ZNF33B: variants seen among roughly 807,000 people sequenced by gnomAD.
ZNF33B encodes the protein zinc finger protein 33B.
A neutral mutation model predicts 45.8 loss-of-function variants in ZNF33B; 29 were observed. The ratio of observed to expected loss-of-function variants is 0.63; its 90% CI spans 0.47 to 0.86. The LOEUF is 0.86. ZNF33B is among the 40% of genes least tolerant of loss of function. ZNF33B has a pLI of 0.00. For missense variants in ZNF33B, 831 were observed against 909.9 expected, an observed-to-expected ratio of 0.91 and a Z score of 1.12; for synonymous variants, 305 against 307.8, an observed-to-expected ratio of 0.99 and a Z score of 0.10.
chr10:42,628,145 A>T (rs1336601292), intron 4 of ZNF33B, among the ~76,000 whole-genome samples: 1 of 152,124 alleles, frequency 6.6e-6, no homozygotes, highest in Non-Finnish European at 1.5e-5. Context: ...TTTCCTAAGT[A>T]GGTGGGACTA....
downstream of ZNF33B, among the ~76,000 whole-genome samples, chr10:42,587,589 A>G (rs548616534): frequency 7.9e-5 from 12 of 152,302 alleles, no homozygotes; most frequent in African/African-American, 2.4e-4. Context: ...CACTCAAAGC[A>G]CAGTGGATGT....
At chr10:42,618,693 G>A (rs1284169820) in intron 4 of ZNF33B, among the ~76,000 whole-genome samples, 1 of 152,142 alleles carries the variant, frequency 6.6e-6, no homozygotes, top group African/African-American at 2.4e-5. Flanking sequence ...CCTCCTATGA[G>A]TTTGCTGAGC....
downstream of ZNF33B, among the ~76,000 whole-genome samples, chr10:42,584,891 T>C (rs17157525): frequency 6.4e-3 from 982 of 152,282 alleles, 11 homozygotes; most frequent in African/African-American, 0.022. Context: ...CAGTTAGGAT[T>C]AGGACAGGAG....
intron 4 of ZNF33B, among the ~76,000 whole-genome samples, chr10:42,600,744 T>C (rs573382593): frequency 1.3e-5 from 2 of 152,370 alleles, no homozygotes; most frequent in South Asian, 2.1e-4. Context: ...CAATAGTATA[T>C]ACTTTACTTC....
intron 1 of ZNF33B, chr10:42,578,361 C>G (rs139781591): frequency 6.5e-6 from 1 of 152,738 alleles, no homozygotes; most frequent in Non-Finnish European, 1.5e-5. Context: ...TGGCATACAC[C>G]CTACTCCTCC....
Position 42,591,914 on chromosome 10 carries a change from T to C in ZNF33B, c.*699A>G, listed in dbSNP as rs1837141611. 1 of 152,228 alleles carries C rather than the reference T, an allele frequency of 6.6e-6. No individual in the cohort carries two copies. Among genetic ancestry groups the C allele is most frequent in the Non-Finnish European group, 1.5e-5 (1 of 68,072 alleles). 9.4% of individuals were successfully genotyped at this position (152,228 alleles called of 1,614,324 possible). ...GTTGATGGTTACTCAAATGTAAAAG[T>C]ACCAGTTTGTTATAACCACACACAC... On this transcript the variant is annotated 3_prime_UTR_variant, in exon 5 of 5. Coordinates refer to ENST00000359467, the MANE Select transcript of ZNF33B (RefSeq NM_006955.3).
At chr10:42,631,722 C>T in intron 4 of ZNF33B, 1 of 528,156 alleles carries the variant, frequency 1.9e-6, no homozygotes, top group Non-Finnish European at 3.4e-6. Flanking sequence ...AATGGTAAAC[C>T]TTCAAAAAAT....
In ZNF33B at chr10:42,593,917, T is replaced by A; in HGVS notation, c.1033A>T (p.Thr345Ser). ...GKAFWEKSHL[T>S]RHQRVHTGEK... Reference sequence around the variant, plus strand: ...CCTGTGTGCACCCTCTGATGTCGAGTGAGATGTGACTTCTCCCAGAAAGCT... The same window carrying A: ...CCTGTGTGCACCCTCTGATGTCGAGAGAGATGTGACTTCTCCCAGAAAGCT... Residue 345 changes from threonine (T) to serine (S), a missense_variant, in exon 5 of 5, where the codon ACT (threonine) becomes TCT (serine). Thr to Ser is a moderately conservative substitution (Grantham distance 58, BLOSUM62 1). Coordinates refer to ENST00000359467, the MANE Select transcript of ZNF33B (RefSeq NM_006955.3). 1 of 1,613,912 alleles carries A rather than the reference T, an allele frequency of 6.2e-7. No homozygotes were observed. The highest frequency in any genetic ancestry group is 8.5e-7 in the Non-Finnish European group (1 of 1,179,836).
intron 4 of ZNF33B, among the ~76,000 whole-genome samples, chr10:42,595,610 G>A (rs1413298188): frequency 6.6e-6 from 1 of 152,048 alleles, no homozygotes; most frequent in Non-Finnish European, 1.5e-5. Context: ...GGTTTAATGG[G>A]GTCATAAGGG....
chr10:42,616,782 G>A lies in ZNF33B; in HGVS notation c.250+15147C>T, dbSNP rs34982922. 1.4e-3 allele frequency among the ~76,000 whole-genome samples: 212 copies of A among 152,120 alleles called. 1 individual carries two copies. Among genetic ancestry groups the A allele is most frequent in the Middle Eastern group, 3.4e-3 (1 of 294 alleles). On this transcript the variant is annotated intron_variant, in intron 4 of 4. Transcript: ENST00000359467. ...ACCATTTCGGCTCACTGCAACCTCC[G>A]CCTCCCGGATTCAAGCAATTCTCCT... is the stretch of plus-strand genomic sequence containing the variant.
rs757612874 is a variant in ZNF33B, at chr10:42,632,435, T to C, written c.14A>G (p.Asp5Gly). Residue 5 changes from aspartate (D) to glycine (G), a missense_variant, in exon 3 of 5, where the codon GAT (aspartate) becomes GGT (glycine). Transcript: ENST00000359467. Reference sequence around the variant, plus strand: ...TGATACTGACCCCTGGAACTTCTGATCTACCTGAAATGTTCAGAATTAGGT... The same window carrying C: ...TGATACTGACCCCTGGAACTTCTGACCTACCTGAAATGTTCAGAATTAGGT... MNKV[D>G]QKFQGSVSFK... 9.3e-6 allele frequency: 15 copies of C among 1,613,160 alleles called. No individual in the cohort carries two copies. The African/African-American group carries it at 2.0e-4, about 22-fold the overall frequency.
At chr10:42,574,432 A>T (rs898610320) in exon 2 of ZNF33B, 1 of 151,890 alleles carries the variant, frequency 6.6e-6, no homozygotes, top group African/African-American at 2.4e-5. Flanking sequence ...GCCTATCAGC[A>T]CTCTCCTCGG....
downstream of ZNF33B, among the ~76,000 whole-genome samples, chr10:42,588,576 A>T (rs1258910299): frequency 6.6e-6 from 1 of 152,198 alleles, no homozygotes; most frequent in African/African-American, 2.4e-5. Flanking sequence ...CTGGACAGAT[A>T]AGATCTAGGT....
At chr10:42,634,359 A>T (rs1839193736) in intron 2 of ZNF33B, among the ~76,000 whole-genome samples, 1 of 151,800 alleles carries the variant, frequency 6.6e-6, no homozygotes, top group South Asian at 2.1e-4. Flanking sequence ...GTGAGCTAAG[A>T]TCGCACCACT....
chr10:42,594,900 G>C (rs767985379), intron 4 of ZNF33B, among the ~76,000 whole-genome samples: 10 of 152,046 alleles, frequency 6.6e-5, no homozygotes, highest in Non-Finnish European at 1.5e-4. Context: ...AGAAACAAAA[G>C]GCCTAGGCTA....
chr10:42,594,474 T>C lies in ZNF33B; in HGVS notation c.476A>G (p.Lys159Arg). Residue 159 changes from lysine (K) to arginine (R), a missense_variant, in exon 5 of 5, where the codon AAG (lysine) becomes AGG (arginine). Physicochemically the swap from Lys to Arg is conservative, Grantham distance 26. Transcript: ENST00000359467. Reference protein sequence around the residue: ...FNTVSELVISKINYLGKKSDE... With the variant: ...FNTVSELVISRINYLGKKSDE... ...AGACTTTTTTCCTAAATAGTTTATCTTACTGATAACCAATTCTGAAACAGT... is the reference window on the plus strand; with the variant it reads ...AGACTTTTTTCCTAAATAGTTTATCCTACTGATAACCAATTCTGAAACAGT... 1 of 1,613,402 alleles carries C rather than the reference T, an allele frequency of 6.2e-7. No homozygotes were observed. The highest frequency in any genetic ancestry group is 1.1e-5 in the South Asian group (1 of 90,944).
intron 2 of ZNF33B, 106 bp downstream of exon 2, chr10:42,636,814 C>A: frequency 2.0e-6 from 3 of 1,509,240 alleles, no homozygotes; most frequent in South Asian, 2.3e-5. Context: ...GGCGACAGAG[C>A]GAGACTCCAT....
chr10:42,620,506 G>A (rs1012522102), intron 4 of ZNF33B, among the ~76,000 whole-genome samples: 6 of 151,850 alleles, frequency 4.0e-5, no homozygotes, highest in African/African-American at 4.8e-5. Context: ...GGGCTCAAGG[G>A]ATCCTCCTGC....
intron 4 of ZNF33B, among the ~76,000 whole-genome samples, chr10:42,604,629 T>C (rs575931270): frequency 1.3e-5 from 2 of 150,724 alleles, no homozygotes; most frequent in Admixed American, 1.3e-4. Flanking sequence ...AACAAAAGAC[T>C]TGGCCAGGTG....
Sources: gnomAD v4.1 joint callset for allele counts (sites outside exome capture counted in the v4.1 genomes callset) on GRCh38, gnomAD v4.1.1 for gene constraint, MANE v1.5 for transcripts, NCBI Gene and HGNC (gene_info 2026-07-23, HGNC 2026-07-21) for gene names.